VAV3: variants seen among roughly 807,000 people sequenced by gnomAD.
VAV3 encodes the protein vav guanine nucleotide exchange factor 3, also known as guanine nucleotide exchange factor VAV3.
In VAV3, 94 loss-of-function variants were observed where a neutral mutation model predicts 131.2. The ratio of observed to expected loss-of-function variants is 0.72; its 90% CI spans 0.61 to 0.85. VAV3 has a LOEUF of 0.85. Among genes scored for constraint, VAV3 ranks in the 40% least tolerant of loss-of-function variants. The pLI is 0.00. For synonymous variants in VAV3, 349 were observed against 342.0 expected (o/e 1.02, Z -0.22); for missense variants, 939 against 1,002.7 (o/e 0.94, Z 0.86).
At chr1:107,932,923 A>G (rs1387689902) in intron 1 of VAV3, among the ~76,000 whole-genome samples, 2 of 152,224 alleles carry the variant, frequency 1.3e-5, no homozygotes, top group African/African-American at 2.4e-5. Flanking sequence ...AGTGAAACTG[A>G]TTTTGAACCT....
intron 17 of VAV3, among the ~76,000 whole-genome samples, chr1:107,702,788 C>A (rs2494066): frequency 1.4e-5 from 2 of 147,308 alleles, no homozygotes; most frequent in African/African-American, 5.0e-5. Context: ...AATAAGCCCA[C>A]GTCTTTCAAA....
intron 1 of VAV3, among the ~76,000 whole-genome samples, chr1:107,940,207 G>A (rs1673920122): frequency 6.6e-6 from 1 of 152,164 alleles, no homozygotes; most frequent in Non-Finnish European, 1.5e-5. Context: ...AGAAAGTATA[G>A]TTCCTTCAGA....
intron 2 of VAV3, among the ~76,000 whole-genome samples, chr1:107,810,672 A>G (rs1667274599): frequency 6.6e-6 from 1 of 152,146 alleles, no homozygotes; most frequent in African/African-American, 2.4e-5. Context: ...TCAGTGTTTG[A>G]GCTGAACAAT....
At position 107,583,627 on chromosome 1, in the gene VAV3, C is replaced by G. The variant is rs974162121; in HGVS notation, c.2351-9429G>C. On this transcript the variant is annotated intron_variant, in intron 25 of 26. Transcript: ENST00000370056. ...TTATATACCAATAACAGACAGAGAGCCAAATCATGAGTGAACTCCCATTCA... is the reference window on the plus strand; with the variant it reads ...TTATATACCAATAACAGACAGAGAGGCAAATCATGAGTGAACTCCCATTCA... 2.0e-4 allele frequency among the ~76,000 whole-genome samples: 31 copies of G among 152,074 alleles called. No individual in the cohort carries two copies. In the East Asian group the frequency reaches 4.1e-3, roughly 20 times the overall value.
chr1:107,770,521 A>G (rs1664982672), intron 6 of VAV3, 115 bp downstream of exon 6: 1 of 730,594 alleles, frequency 1.4e-6, no homozygotes, highest in African/African-American at 1.8e-5. Context: ...CTTTAAGTAC[A>G]AAGTTCTCCT....
intron 19 of VAV3, among the ~76,000 whole-genome samples, chr1:107,655,214 C>G (rs1276038656): frequency 1.3e-5 from 2 of 152,068 alleles, no homozygotes; most frequent in Non-Finnish European, 2.9e-5. Flanking sequence ...CACTACCTGA[C>G]TTCAAAATAT....
chr1:107,900,469 C>A lies in VAV3; in HGVS notation c.205-25452G>T, dbSNP rs114718387. The stretch of plus-strand genomic sequence containing the variant: ...GAGAACATGAGAAGTTTCTCTTCCA[C>A]GTGCAAAGTGAAATGTTACACCTTA... On this transcript the variant is annotated intron_variant, in intron 1 of 26. Transcript: ENST00000370056. Among the ~76,000 whole-genome samples the A allele has an allele frequency of 5.6e-3, 856 of 152,288 alleles. 5 individuals carry two copies. The highest frequency in any genetic ancestry group is 0.01 in the Non-Finnish European group (700 of 68,026).
chr1:107,878,557 T>C (rs1670616783), intron 1 of VAV3, among the ~76,000 whole-genome samples: 1 of 152,224 alleles, frequency 6.6e-6, no homozygotes, highest in Non-Finnish European at 1.5e-5. Flanking sequence ...ATTAAACCTA[T>C]TATTCTTTCA....
chr1:107,809,312 AAAG>A (rs1373889715), intron 2 of VAV3, among the ~76,000 whole-genome samples: 1 of 152,180 alleles, frequency 6.6e-6, no homozygotes, highest in African/African-American at 2.4e-5. Context: ...CTCCCAATGA[AAAG>A]AAGAACACAG....
intron 2 of VAV3, among the ~76,000 whole-genome samples, chr1:107,846,723 T>C (rs935439480): frequency 1.3e-5 from 2 of 152,178 alleles, no homozygotes; most frequent in Non-Finnish European, 2.9e-5. Flanking sequence ...AAGAGCTAAC[T>C]ACCCTAAATA....
At chr1:107,845,994 A>T (rs1425323404) in intron 2 of VAV3, among the ~76,000 whole-genome samples, 1 of 152,134 alleles carries the variant, frequency 6.6e-6, no homozygotes, top group East Asian at 1.9e-4. Flanking sequence ...AAGACAAATA[A>T]TTATCAGATC....
intron 2 of VAV3, among the ~76,000 whole-genome samples, chr1:107,810,675 T>A (rs1025181319): frequency 1.3e-5 from 2 of 152,110 alleles, no homozygotes; most frequent in African/African-American, 4.8e-5. Context: ...GTGTTTGAGC[T>A]GAACAATCCT....
At chr1:107,895,116 G>A (rs988043411) in intron 1 of VAV3, among the ~76,000 whole-genome samples, 4 of 151,438 alleles carry the variant, frequency 2.6e-5, no homozygotes, top group African/African-American at 9.7e-5. Context: ...AGTTTGGGAC[G>A]AAGAGGAAAA....
At chr1:107,764,662 A>G (rs1242818819) in intron 9 of VAV3, among the ~76,000 whole-genome samples, 2 of 152,202 alleles carry the variant, frequency 1.3e-5, no homozygotes, top group African/African-American at 4.8e-5. Context: ...AGCTAGAACT[A>G]CAGGCATGAG....
intron 1 of VAV3, among the ~76,000 whole-genome samples, chr1:107,911,917 G>A (rs558741910): frequency 7.6e-4 from 115 of 151,186 alleles, no homozygotes; most frequent in Non-Finnish European, 1.3e-3. Context: ...TGCAAACAGC[G>A]CTGATTTAAA....
intron 17 of VAV3, among the ~76,000 whole-genome samples, chr1:107,703,399 G>A (rs1001892532): frequency 6.6e-5 from 10 of 152,180 alleles, no homozygotes; most frequent in Non-Finnish European, 1.3e-4. Flanking sequence ...CAGTAAATGT[G>A]CAGGGCCATT....
At chr1:107,686,049 G>A (rs1365971319) in intron 18 of VAV3, 3 of 134,674 alleles carry the variant, frequency 2.2e-5, no homozygotes, top group Admixed American at 7.5e-5. Context: ...GGGGAGGGGG[G>A]GCAGGAACCA....
chr1:107,778,654 A>G (rs1665511817), intron 3 of VAV3, among the ~76,000 whole-genome samples: 1 of 152,182 alleles, frequency 6.6e-6, no homozygotes, highest in Admixed American at 6.5e-5. Context: ...TTAGAATGTG[A>G]ATGTGAGCTG....
At position 107,956,333 on chromosome 1, in the gene VAV3, G is replaced by A. The variant is rs184833394; in HGVS notation, c.204+8333C>T. Among the ~76,000 whole-genome samples the A allele has an allele frequency of 2.8e-3, 419 of 152,278 alleles. 1 individual carries two copies. The highest frequency in any genetic ancestry group is 6.8e-3 in the Middle Eastern group (2 of 294). ...GGAGAGTCAAAAAGTAAATGGTCTC[G>A]GGCAGTTCTCAAACTTTTTTTTCCT... On this transcript the variant is annotated intron_variant, in intron 1 of 26. Transcript: ENST00000370056.
Sources: gnomAD v4.1 joint callset for allele counts (sites outside exome capture counted in the v4.1 genomes callset) on GRCh38, gnomAD v4.1.1 for gene constraint, MANE v1.5 for transcripts, NCBI Gene and HGNC (gene_info 2026-07-23, HGNC 2026-07-21) for gene names.